ATP8A2: variants seen among roughly 807,000 people sequenced by gnomAD.
ATP8A2 encodes phospholipid-transporting ATPase IB.
In ATP8A2, 100 loss-of-function variants were observed where a neutral mutation model predicts 165.6. That is an observed-to-expected ratio of 0.60 (90% CI 0.51 to 0.71). ATP8A2 has a LOEUF of 0.71. Among genes scored for constraint, ATP8A2 ranks in the 30% least tolerant of loss-of-function variants. The pLI, the probability that ATP8A2 is intolerant of heterozygous loss-of-function variation, is 0.00. For missense variants in ATP8A2, 1,227 were observed against 1,479.5 expected, an observed-to-expected ratio of 0.83 and a Z score of 2.80; for synonymous variants, 543 against 548.8, an observed-to-expected ratio of 0.99 and a Z score of 0.15.
intron 1 of ATP8A2, among the ~76,000 whole-genome samples, chr13:25,396,834 G>A (rs542924927): frequency 1.3e-5 from 2 of 152,282 alleles, no homozygotes; most frequent in South Asian, 2.1e-4. Flanking sequence ...GCCAATATAT[G>A]CAATGTTATC....
chr13:25,730,689 A>G (rs1417728726), intron 25 of ATP8A2, among the ~76,000 whole-genome samples: 1 of 152,196 alleles, frequency 6.6e-6, no homozygotes, highest in Non-Finnish European at 1.5e-5. Context: ...CAAATGTAGA[A>G]TCCATGCCCA....
chr13:25,828,427 C>T (rs977522717), intron 28 of ATP8A2, among the ~76,000 whole-genome samples: 3 of 152,196 alleles, frequency 2.0e-5, no homozygotes, highest in African/African-American at 7.2e-5. Context: ...AAATTATTAA[C>T]CCATATATCT....
intron 1 of ATP8A2, among the ~76,000 whole-genome samples, chr13:25,376,314 C>T (rs2032624375): frequency 6.6e-6 from 1 of 152,206 alleles, no homozygotes; most frequent in Non-Finnish European, 1.5e-5. Context: ...ATTTCTCCTG[C>T]TTCCATTTCC....
intron 33 of ATP8A2, among the ~76,000 whole-genome samples, chr13:25,871,568 A>G (rs1952678360): frequency 6.6e-6 from 1 of 152,262 alleles, no homozygotes; most frequent in Non-Finnish European, 1.5e-5. Flanking sequence ...GCTATTAGGC[A>G]TGTACCAAGA....
rs1399152030 is a variant in ATP8A2, at chr13:26,024,438, CTA to C, written c.*4455_*4456del. 1 of 152,106 alleles carries C rather than the reference CTA, an allele frequency of 6.6e-6. No individual in the cohort carries two copies. Among genetic ancestry groups the C allele is most frequent in the African/African-American group, 2.4e-5 (1 of 41,394 alleles). The allele number at this position is 152,106 out of a possible 1,614,324, so 9.4% of individuals were successfully genotyped here. ...GTTTAAAGCTCTCTTAATTTGTTGG[CTA>C]TGAGTGATTTGTGAATCTGGGATGT... is the stretch of plus-strand genomic sequence containing the variant. On this transcript the variant is annotated 3_prime_UTR_variant, in exon 37 of 37. Coordinates refer to ENST00000381655, the MANE Select transcript of ATP8A2 (RefSeq NM_016529.6).
intron 30 of ATP8A2, among the ~76,000 whole-genome samples, chr13:25,840,207 C>A (rs1951720797): frequency 6.6e-6 from 1 of 152,122 alleles, no homozygotes; most frequent in South Asian, 2.1e-4. Context: ...TTAACACATC[C>A]AGAACGTGGC....
intron 1 of ATP8A2, among the ~76,000 whole-genome samples, chr13:25,399,565 ATTTTTT>A (rs61674518): frequency 1.3e-5 from 1 of 77,038 alleles, no homozygotes; most frequent in Non-Finnish European, 2.7e-5. Flanking sequence ...CGCCCGGCTA[ATTTTTT>A]TTTTGTATTT....
chr13:25,886,951 G>A (rs1318709282), intron 33 of ATP8A2, among the ~76,000 whole-genome samples: 1 of 152,200 alleles, frequency 6.6e-6, no homozygotes, highest in East Asian at 1.9e-4. Flanking sequence ...TGGTCTGCTA[G>A]CTGACCCAGA....
At chr13:25,707,852 C>G (rs1298211259) in intron 25 of ATP8A2, among the ~76,000 whole-genome samples, 1 of 152,174 alleles carries the variant, frequency 6.6e-6, no homozygotes. Flanking sequence ...TTTGCAGAAG[C>G]TCAGATGCAA....
intron 27 of ATP8A2, among the ~76,000 whole-genome samples, chr13:25,824,359 T>C (rs951861755): frequency 1.3e-5 from 2 of 152,240 alleles, no homozygotes; most frequent in Non-Finnish European, 2.9e-5. Context: ...TTCTTTGCTA[T>C]ATTAGACATC....
chr13:25,548,716 A>G (rs531943049), intron 10 of ATP8A2, among the ~76,000 whole-genome samples: 2 of 152,348 alleles, frequency 1.3e-5, no homozygotes, highest in Admixed American at 1.3e-4. Flanking sequence ...TCCGTAAAGG[A>G]TGAATAATTT....
At chr13:26,011,055 G>C (rs144797809) in intron 35 of ATP8A2, among the ~76,000 whole-genome samples, 1 of 152,126 alleles carries the variant, frequency 6.6e-6, no homozygotes, top group African/African-American at 2.4e-5. Flanking sequence ...CTCACTGATC[G>C]ATCGGGGGCA....
At chr13:25,988,995 G>A (rs536231755) in intron 35 of ATP8A2, among the ~76,000 whole-genome samples, 74 of 152,328 alleles carry the variant, frequency 4.9e-4, no homozygotes, top group Admixed American at 9.8e-4. Flanking sequence ...TGCACGGGCC[G>A]TCAGCCTGTT....
At chr13:25,868,717 G>A (rs1268613408) in intron 33 of ATP8A2, among the ~76,000 whole-genome samples, 2 of 152,034 alleles carry the variant, frequency 1.3e-5, no homozygotes, top group African/African-American at 4.8e-5. Flanking sequence ...GCACCCCAGG[G>A]TCCCCCATCC....
At chr13:25,628,195 C>A (rs1169603045) in intron 24 of ATP8A2, among the ~76,000 whole-genome samples, 3 of 152,160 alleles carry the variant, frequency 2.0e-5, no homozygotes, top group Non-Finnish European at 2.9e-5. Context: ...TGCCTCTAAC[C>A]ATCTTTATAG....
At chr13:25,897,948 CA>C (rs1296919405) in intron 33 of ATP8A2, among the ~76,000 whole-genome samples, 1 of 151,992 alleles carries the variant, frequency 6.6e-6, no homozygotes, top group African/African-American at 2.4e-5. Context: ...AATTTTTTTT[CA>C]AAGTTTTTAA....
intron 13 of ATP8A2, among the ~76,000 whole-genome samples, chr13:25,557,288 C>G (rs185450603): frequency 1.6e-4 from 25 of 152,294 alleles, no homozygotes; most frequent in Non-Finnish European, 2.8e-4. Context: ...CTTTGGGGCT[C>G]TGGTCACAAA....
At chr13:25,450,173 C>T (rs1313182752) in intron 1 of ATP8A2, among the ~76,000 whole-genome samples, 1 of 152,188 alleles carries the variant, frequency 6.6e-6, no homozygotes, top group Non-Finnish European at 1.5e-5. Context: ...TTTTGTGGTG[C>T]ATAGTATTTC....
At chr13:25,458,287 C>T (rs2035415415) in intron 1 of ATP8A2, among the ~76,000 whole-genome samples, 1 of 152,192 alleles carries the variant, frequency 6.6e-6, no homozygotes, top group African/African-American at 2.4e-5. Flanking sequence ...ATATATTAAT[C>T]TGCCTTATAT....
Sources: allele counts gnomAD v4.1 joint callset (sites outside exome capture counted in the v4.1 genomes callset), GRCh38; gene constraint gnomAD v4.1.1; transcripts MANE v1.5; gene names NCBI Gene and HGNC (gene_info 2026-07-23, HGNC 2026-07-21).